GRHL2: variants seen among roughly 807,000 people sequenced by gnomAD.
GRHL2 encodes the protein grainyhead like transcription factor 2.
In GRHL2, 21 loss-of-function variants were observed where a neutral mutation model predicts 83.8. That is an observed-to-expected ratio of 0.25 (90% confidence interval 0.18 to 0.36). The LOEUF (loss-of-function observed/expected upper bound fraction) is 0.36. Ranked by LOEUF, GRHL2 falls within the 10% of genes least tolerant of loss-of-function variation. The probability of loss-of-function intolerance (pLI) is 1.00; values close to 1 mark genes in which losing one functional copy is unlikely to be tolerated. For synonymous variants in GRHL2, 280 were observed against 278.9 expected (o/e 1.00, Z -0.04); for missense variants, 623 against 781.8 (o/e 0.80, Z 2.42).
intron 1 of GRHL2, chr8:101,529,554 C>T (rs953065130): frequency 3.8e-5 from 9 of 239,774 alleles, no homozygotes; most frequent in Middle Eastern, 9.5e-4. Context: ...GGTGCACCAC[C>T]GTCTTGGTCG....
At chr8:101,625,150 T>C (rs151319808) in intron 9 of GRHL2, among the ~76,000 whole-genome samples, 246 of 152,188 alleles carry the variant, frequency 1.6e-3, no homozygotes, top group African/African-American at 5.6e-3. Flanking sequence ...CCAGGGGAGA[T>C]TGTAGAATCC....
intron 7 of GRHL2, among the ~76,000 whole-genome samples, chr8:101,594,094 AAAAAGAGAG>A (rs1812344316): frequency 1.8e-5 from 2 of 108,130 alleles, no homozygotes; most frequent in South Asian, 3.2e-4. Flanking sequence ...AAAAAAAAAA[AAAAAGAGAG>A]AGATAGTGAA....
At chr8:101,670,407 C>T (rs1281496450), downstream of GRHL2, among the ~76,000 whole-genome samples, 3 of 152,228 alleles carry the variant, frequency 2.0e-5, no homozygotes, top group East Asian at 5.8e-4. Context: ...GGCTAAACAT[C>T]ATTTGCCTTC....
chr8:101,663,618 T>A (rs1157194277), intron 14 of GRHL2, among the ~76,000 whole-genome samples: 2 of 130,788 alleles, frequency 1.5e-5, no homozygotes, highest in East Asian at 2.3e-4. Flanking sequence ...TCTCAAAAAA[T>A]AAATAAATAA....
chr8:101,679,479 G>A, the GRHL2 span, among the ~76,000 whole-genome samples: 1 of 149,498 alleles, frequency 6.7e-6, no homozygotes, highest in Admixed American at 6.7e-5. Context: ...GGGGAGAATG[G>A]AACCAAGTTG....
intron 8 of GRHL2, among the ~76,000 whole-genome samples, chr8:101,614,445 G>T (rs1812814459): frequency 6.7e-6 from 1 of 150,254 alleles, no homozygotes; most frequent in African/African-American, 2.5e-5. Context: ...AGTAAGAGAG[G>T]TTTTAAAAAT....
chr8:101,586,582 G>C (rs186961485), intron 7 of GRHL2, among the ~76,000 whole-genome samples: 17 of 152,230 alleles, frequency 1.1e-4, no homozygotes, highest in Non-Finnish European at 5.9e-5. Context: ...TGTTTCACTT[G>C]GTTTATTCAT....
chr8:101,513,067 T>C (rs1219681702), intron 1 of GRHL2, among the ~76,000 whole-genome samples: 1 of 152,198 alleles, frequency 6.6e-6, no homozygotes, highest in African/African-American at 2.4e-5. Context: ...TATATTTTTT[T>C]CCCCTTGTTT....
intron 1 of GRHL2, among the ~76,000 whole-genome samples, chr8:101,530,973 G>A (rs561576227): frequency 4.6e-5 from 7 of 152,180 alleles, no homozygotes; most frequent in Non-Finnish European, 1.0e-4. Flanking sequence ...GCTCACACCT[G>A]TAATCCCAGC....
chr8:101,573,872 G>A (rs1295342431), intron 6 of GRHL2, 48 bp downstream of exon 6: 2 of 1,595,368 alleles, frequency 1.3e-6, no homozygotes, highest in African/African-American at 2.7e-5. Flanking sequence ...CCGATGAACG[G>A]AATGGCTACC....
rs1554599113 is a variant in GRHL2, at chr8:101,669,254, C to CTTTCTTTT, written c.*2554_*2555insCTTTTTTT. The stretch of plus-strand genomic sequence containing the variant: ...GGACATGTGAAATGAGCATTTTTTT[C>CTTTCTTTT]TTTTTTTTTTTTAACAAAGTCTGAA... On this transcript the variant is annotated 3_prime_UTR_variant, in exon 16 of 16. Transcript: ENST00000646743. 1.2e-4 allele frequency: 15 copies of CTTTCTTTT among 126,626 alleles called. No homozygotes were observed. Among genetic ancestry groups the CTTTCTTTT allele is most frequent in the African/African-American group, 4.2e-4 (15 of 35,560 alleles). 7.8% of individuals were successfully genotyped at this position (126,626 alleles called of 1,614,324 possible).
chr8:101,674,728 T>C, the GRHL2 span, among the ~76,000 whole-genome samples: 1 of 152,184 alleles, frequency 6.6e-6, no homozygotes, highest in African/African-American at 2.4e-5. Context: ...ATCATCCTGA[T>C]ACAAAAGACT....
chr8:101,637,712 T>C (rs2129642571), intron 12 of GRHL2, among the ~76,000 whole-genome samples: 1 of 152,332 alleles, frequency 6.6e-6, no homozygotes, highest in East Asian at 1.9e-4. Context: ...GGAGAGTTCA[T>C]GTGTGTGAGA....
chr8:101,602,744 T>C (rs899200231), intron 8 of GRHL2, among the ~76,000 whole-genome samples: 1 of 152,246 alleles, frequency 6.6e-6, no homozygotes, highest in Non-Finnish European at 1.5e-5. Context: ...GAACTTTCCC[T>C]ACCTAGCTTT....
At chr8:101,652,390 T>TGTGTGTG (rs1563626937) in intron 14 of GRHL2, among the ~76,000 whole-genome samples, 5,981 of 63,956 alleles carry the variant, frequency 0.094, 1,292 homozygotes, top group African/African-American at 0.18. Context: ...GTGTGGTGTG[T>TGTGTGTG]GTGTGTGTCT....
chr8:101,663,918 T>C (rs1228826122), intron 14 of GRHL2, among the ~76,000 whole-genome samples: 2 of 151,958 alleles, frequency 1.3e-5, no homozygotes, highest in African/African-American at 4.8e-5. Flanking sequence ...TTTTTTTTTC[T>C]GTACTGCGTT....
At chr8:101,513,696 A>G (rs1393415453) in intron 1 of GRHL2, among the ~76,000 whole-genome samples, 1 of 151,808 alleles carries the variant, frequency 6.6e-6, no homozygotes, top group Non-Finnish European at 1.5e-5. Flanking sequence ...GGGTTTCACC[A>G]TGTTGGCCAG....
intron 1 of GRHL2, among the ~76,000 whole-genome samples, chr8:101,499,806 G>C (rs1014939467): frequency 6.6e-6 from 1 of 152,112 alleles, no homozygotes; most frequent in African/African-American, 2.4e-5. Context: ...GGCCAGGCGC[G>C]GTGGCTCATG....
At chr8:101,512,556 C>A (rs2130013228) in intron 1 of GRHL2, among the ~76,000 whole-genome samples, 1 of 152,290 alleles carries the variant, frequency 6.6e-6, no homozygotes, top group East Asian at 1.9e-4. Context: ...CTCACTGCAA[C>A]CTCCGCCTCC....
Sources: allele counts gnomAD v4.1 joint callset (sites outside exome capture counted in the v4.1 genomes callset), GRCh38; gene constraint gnomAD v4.1.1; transcripts MANE v1.5; gene names NCBI Gene and HGNC (gene_info 2026-07-23, HGNC 2026-07-21).